ERC1: variants seen among roughly 807,000 people sequenced by gnomAD.
The protein encoded by ERC1 is RAB6 interacting protein 2.
A neutral mutation model predicts 132.0 loss-of-function variants in ERC1; 56 were observed. That is an observed-to-expected ratio of 0.42 (90% CI 0.34 to 0.53). The LOEUF is 0.53. Ranked by LOEUF, ERC1 falls within the 20% of genes least tolerant of loss-of-function variation. The pLI is 0.03. For synonymous variants in ERC1, 478 were observed against 476.1 expected, an observed-to-expected ratio of 1.00 and a Z score of -0.05; for missense variants, 1,202 against 1,349.9, an observed-to-expected ratio of 0.89 and a Z score of 1.72.
chr12:1,235,481 T>A (rs75799865), intron 12 of ERC1, among the ~76,000 whole-genome samples: 29,864 of 152,208 alleles, frequency 0.2, 3,456 homozygotes, highest in Non-Finnish European at 0.27. Context: ...AAAGAATACC[T>A]ATAAGTCATT....
intron 12 of ERC1, among the ~76,000 whole-genome samples, chr12:1,230,987 T>C (rs775252711): frequency 6.6e-6 from 1 of 152,182 alleles, no homozygotes; most frequent in Non-Finnish European, 1.5e-5. Context: ...AGCCAACATA[T>C]TGTTGGATAC....
At chr12:1,290,944 C>G (rs1438452610) in intron 15 of ERC1, among the ~76,000 whole-genome samples, 1 of 152,190 alleles carries the variant, frequency 6.6e-6, no homozygotes, top group African/African-American at 2.4e-5. Context: ...TTGCTCACTT[C>G]TTCTCTGCAT....
intron 17 of ERC1, among the ~76,000 whole-genome samples, chr12:1,421,884 G>GGT (rs113940800): frequency 0.018 from 2,764 of 152,062 alleles, 80 homozygotes; most frequent in African/African-American, 0.063. Flanking sequence ...AAATTAGCTG[G>GGT]GTATGGTGGT....
At chr12:1,188,477 T>C (rs1295735695) in intron 11 of ERC1, among the ~76,000 whole-genome samples, 1 of 151,986 alleles carries the variant, frequency 6.6e-6, no homozygotes, top group Admixed American at 6.6e-5. Flanking sequence ...AACAACTGAT[T>C]TTAGACATTG....
At chr12:1,073,535 G>T (rs1052601118) in intron 2 of ERC1, among the ~76,000 whole-genome samples, 2 of 151,516 alleles carry the variant, frequency 1.3e-5, no homozygotes, top group Non-Finnish European at 2.9e-5. Flanking sequence ...TGTAATCCCA[G>T]CCACTTGGGA....
chr12:1,163,829 C>T (rs1043374005), intron 8 of ERC1, among the ~76,000 whole-genome samples: 4 of 152,166 alleles, frequency 2.6e-5, no homozygotes, highest in African/African-American at 9.7e-5. Flanking sequence ...AATTCTCATG[C>T]CTCAGCCTCC....
chr12:1,050,178 A>C (rs1971699564), intron 2 of ERC1, among the ~76,000 whole-genome samples: 2 of 152,190 alleles, frequency 1.3e-5, no homozygotes, highest in Admixed American at 1.3e-4. Flanking sequence ...GAGGGCTGAG[A>C]AGAGAGCAAA....
At chr12:1,110,777 C>T (rs1945767741) in intron 5 of ERC1, among the ~76,000 whole-genome samples, 1 of 152,108 alleles carries the variant, frequency 6.6e-6, no homozygotes, top group Non-Finnish European at 1.5e-5. Flanking sequence ...GATCTCAGCT[C>T]ACTGCAGCCT....
At position 1,487,103 on chromosome 12, in the gene ERC1, T is replaced by A. The variant is rs74685079; in HGVS notation, c.3214-2990T>A. On this transcript the variant is annotated intron_variant, in intron 18 of 18. Coordinates refer to ENST00000360905, the MANE Select transcript of ERC1 (RefSeq NM_178040.4). ...GGGTTGTTTTCTCTGCAGCTGTATT[T>A]ACAAGGTACCCAGCCTCCTAGCTTT... is the stretch of plus-strand genomic sequence containing the variant. 9.5e-3 allele frequency among the ~76,000 whole-genome samples: 1,451 copies of A among 152,306 alleles called. 14 individuals carry two copies. The highest frequency in any genetic ancestry group is 0.031 in the African/African-American group (1,300 of 41,550).
chr12:1,246,298 T>G (rs1428689219), intron 13 of ERC1, among the ~76,000 whole-genome samples: 1 of 151,848 alleles, frequency 6.6e-6, no homozygotes, highest in East Asian at 1.9e-4. Flanking sequence ...CAAAGGAGAC[T>G]GGCAGTTTTA....
At chr12:1,129,604 T>A (rs1455101292) in intron 7 of ERC1, among the ~76,000 whole-genome samples, 4 of 152,174 alleles carry the variant, frequency 2.6e-5, no homozygotes, top group Non-Finnish European at 5.9e-5. Flanking sequence ...ATCAGACTTT[T>A]CAGTTGCCAC....
intron 18 of ERC1, among the ~76,000 whole-genome samples, chr12:1,465,783 G>A (rs149018631): frequency 1.3e-5 from 2 of 152,180 alleles, no homozygotes; most frequent in Admixed American, 6.5e-5. Flanking sequence ...AGCCCTCCAC[G>A]GCAGCACTAG....
chr12:1,115,791 A>G, intron 6 of ERC1, 75 bp from the exon 7 acceptor site: 1 of 1,249,054 alleles, frequency 8.0e-7, no homozygotes, highest in Non-Finnish European at 1.1e-6. Context: ...TTTGTGACTC[A>G]GATCTGTGAA....
At chr12:1,330,093 C>T (rs1226217638) in intron 15 of ERC1, among the ~76,000 whole-genome samples, 1 of 152,204 alleles carries the variant, frequency 6.6e-6, no homozygotes, top group African/African-American at 2.4e-5. Context: ...TGTTATTTAA[C>T]TAGGAAGTAC....
At chr12:1,102,621 C>T (rs1944795616) in intron 3 of ERC1, among the ~76,000 whole-genome samples, 1 of 152,176 alleles carries the variant, frequency 6.6e-6, no homozygotes, top group African/African-American at 2.4e-5. Context: ...GTCTATTAAG[C>T]GCTTACCAGT....
chr12:1,076,203 A>G (rs997920505), intron 2 of ERC1, among the ~76,000 whole-genome samples: 1 of 152,152 alleles, frequency 6.6e-6, no homozygotes, highest in Non-Finnish European at 1.5e-5. Flanking sequence ...TGTGCTTCGT[A>G]TAGTACAACT....
intron 15 of ERC1, among the ~76,000 whole-genome samples, chr12:1,365,327 G>GAAA (rs77071351): frequency 6.8e-6 from 1 of 146,568 alleles, no homozygotes; most frequent in Admixed American, 6.8e-5. Context: ...TACTGGCCTG[G>GAAA]AAAAAAAAAA....
intron 15 of ERC1, among the ~76,000 whole-genome samples, chr12:1,359,802 T>C (rs1051882339): frequency 6.6e-6 from 1 of 152,242 alleles, no homozygotes; most frequent in Non-Finnish European, 1.5e-5. Context: ...TGTAGTTCCC[T>C]ACATATTATA....
intron 15 of ERC1, among the ~76,000 whole-genome samples, chr12:1,338,010 T>G (rs946602096): frequency 6.6e-6 from 1 of 152,228 alleles, no homozygotes; most frequent in Non-Finnish European, 1.5e-5. Context: ...TATGATTATG[T>G]CTTGAGGATG....
Sources: gnomAD v4.1 joint callset for allele counts (sites outside exome capture counted in the v4.1 genomes callset) on GRCh38, gnomAD v4.1.1 for gene constraint, MANE v1.5 for transcripts, NCBI Gene and HGNC (gene_info 2026-07-23, HGNC 2026-07-21) for gene names.